Variants in VGLL3 observed in about 807,000 individuals in gnomAD.
VGLL3 encodes vestigial like family member 3, also known as transcription cofactor vestigial-like protein 3.
VGLL3 carries 18 observed loss-of-function variants against 29.2 expected under a neutral mutation model. The observed-to-expected ratio is 0.62, with a 90% CI of 0.43 to 0.91. The LOEUF (loss-of-function observed/expected upper bound fraction) is 0.91. Ranked by LOEUF, VGLL3 falls within the 40% of genes least tolerant of loss-of-function variation. VGLL3 has a pLI of 0.00. For synonymous variants in VGLL3, 180 were observed against 151.8 expected, an observed-to-expected ratio of 1.19 and a Z score of -1.36; for missense variants, 440 against 413.2, an observed-to-expected ratio of 1.06 and a Z score of -0.56.
intron 3 of VGLL3, among the ~76,000 whole-genome samples, chr3:86,961,333 T>C (rs1158087664): frequency 6.6e-6 from 1 of 152,138 alleles, no homozygotes; most frequent in Non-Finnish European, 1.5e-5. Flanking sequence ...TTAACAAATC[T>C]TCACTTGAAA....
Position 86,968,707 on chromosome 3 carries a change from C to T in VGLL3, c.820G>A (p.Ala274Thr). 6.2e-7 allele frequency: 1 copy of T among 1,614,116 alleles called. No individual in the cohort carries two copies. The highest frequency in any genetic ancestry group is 8.5e-7 in the Non-Finnish European group (1 of 1,180,032). The change falls in exon 3 of 4, where the codon GCT becomes ACT. Residue 274 changes from alanine (A) to threonine (T), a missense_variant. Physicochemically the swap from Ala to Thr is moderately conservative, Grantham distance 58 (BLOSUM62 0). Coordinates refer to ENST00000398399, the MANE Select transcript of VGLL3 (RefSeq NM_016206.4). ...MPSVHAARIP[A>T]PQCDITKTEP... ...GTCTTTGTGATGTCACACTGGGGAG[C>T]AGGAATCCTGGCCGCATGCACTGAA...
Position 86,940,740 on chromosome 3 carries a change from A to G in VGLL3, c.*6284T>C, listed in dbSNP as rs897045884. 6 of 152,054 alleles carry G rather than the reference A, an allele frequency of 3.9e-5. No individual in the cohort carries two copies. The highest frequency in any genetic ancestry group is 1.4e-4 in the African/African-American group (6 of 41,436). 9.4% of individuals were successfully genotyped at this position (152,054 alleles called of 1,614,324 possible). On this transcript the variant is annotated 3_prime_UTR_variant, in exon 4 of 4. Coordinates refer to ENST00000398399, the MANE Select transcript of VGLL3 (RefSeq NM_016206.4). ...CATTGACACATATTATGAGACCTGCATTTGAAGAGTGAATAGAAATAAGAA... is the reference window on the plus strand; with the variant it reads ...CATTGACACATATTATGAGACCTGCGTTTGAAGAGTGAATAGAAATAAGAA...
chr3:86,982,938 A>G (rs1383635078), intron 1 of VGLL3, among the ~76,000 whole-genome samples: 1 of 152,226 alleles, frequency 6.6e-6, no homozygotes, highest in Non-Finnish European at 1.5e-5. Context: ...AGGTTAAAGT[A>G]TCAATGTGGA....
At position 86,978,740 on chromosome 3, in the gene VGLL3, T is replaced by C. The variant is rs1575877335; in HGVS notation, c.189A>G (p.Gln63=). The change falls in exon 2 of 4, where the codon CAA becomes CAG. Residue 63 remains glutamine, a synonymous_variant. Transcript: ENST00000398399. ...DSLEVTLPSK[Q]EEEDEEEEEE... ...CCTCCTCCTCCTCATCCTCCTCCTC[T>C]TGTTTGCTGGGAAGGGTGACTTCCA... 6.2e-7 allele frequency: 1 copy of C among 1,614,028 alleles called. No homozygotes were observed. The highest frequency in any genetic ancestry group is 2.2e-5 in the East Asian group (1 of 44,870).
chr3:86,958,584 T>A (rs2106985476), intron 3 of VGLL3, among the ~76,000 whole-genome samples: 1 of 152,326 alleles, frequency 6.6e-6, no homozygotes, highest in South Asian at 2.1e-4. Flanking sequence ...CAGAAGCCCA[T>A]GGGCATGATA....
In VGLL3 at chr3:86,941,722, A is replaced by T. The variant is rs532711974; in HGVS notation, c.*5302T>A. The stretch of plus-strand genomic sequence containing the variant: ...GAAATAGAAAAGTTGAGATACTTTA[A>T]CAATAATGACGATTTCTGTAGGTTG... On this transcript the variant is annotated 3_prime_UTR_variant, in exon 4 of 4. Coordinates refer to ENST00000398399, the MANE Select transcript of VGLL3 (RefSeq NM_016206.4). The T allele has an allele frequency of 4.6e-5, 7 of 152,254 alleles. No individual in the cohort carries two copies. Among genetic ancestry groups the T allele is most frequent in the Non-Finnish European group, 1.0e-4 (7 of 68,002 alleles). 9.4% of individuals were successfully genotyped at this position (152,254 alleles called of 1,614,324 possible).
In VGLL3 at chr3:86,991,107, G is replaced by T. The variant is rs534132813; in HGVS notation, c.-364C>A. 7.8e-5 allele frequency: 18 copies of T among 229,440 alleles called. No individual in the cohort carries two copies. Among genetic ancestry groups the T allele is most frequent in the African/African-American group, 4.0e-4 (17 of 43,028 alleles). 14.2% of individuals were successfully genotyped at this position (229,440 alleles called of 1,614,324 possible). On this transcript the variant is annotated 5_prime_UTR_variant, in exon 1 of 4. Transcript: ENST00000398399. ...CCAGTCACAGCCACAGCCCAGGCCC[G>T]GGTCGGGCAGCCGTGGGGAGCCCAG...
intron 1 of VGLL3, among the ~76,000 whole-genome samples, chr3:86,984,538 T>TC (rs1220939736): frequency 9.9e-5 from 15 of 152,204 alleles, no homozygotes; most frequent in African/African-American, 3.6e-4. Flanking sequence ...AATGATCATA[T>TC]CATGAGGGTA....
intron 2 of VGLL3, among the ~76,000 whole-genome samples, chr3:86,976,823 G>T (rs1457768223): frequency 1.3e-5 from 2 of 152,154 alleles, no homozygotes; most frequent in African/African-American, 4.8e-5. Flanking sequence ...ATGCCCATGT[G>T]CTAAAAGAAG....
At position 86,978,862 on chromosome 3, in the gene VGLL3, T is replaced by G. The variant is rs1459037062; in HGVS notation, c.127-60A>C. On this transcript the variant is annotated intron_variant, in intron 1 of 3. Transcript: ENST00000398399. The stretch of plus-strand genomic sequence containing the variant: ...CAGTTTGTAGAAAAGCATTCACTAG[T>G]TAAGTTTTCACTTTTTTAAAAAAAG... The G allele has an allele frequency of 6.7e-6, 10 of 1,483,682 alleles. No homozygotes were observed. The East Asian group carries it at 2.3e-4, about 35-fold the overall frequency. 91.9% of individuals were successfully genotyped at this position (1,483,682 alleles called of 1,614,324 possible).
chr3:86,959,082 TG>T (rs969571633), intron 3 of VGLL3, among the ~76,000 whole-genome samples: 5 of 152,182 alleles, frequency 3.3e-5, no homozygotes, highest in Non-Finnish European at 7.4e-5. Context: ...AAAAACAATC[TG>T]CACCTATTGC....
Position 86,987,607 on chromosome 3 carries a change from T to C in VGLL3, c.126+3011A>G, listed in dbSNP as rs945381442. On this transcript the variant is annotated intron_variant, in intron 1 of 3. Transcript: ENST00000398399. Reference sequence around the variant, plus strand: ...CTGACATATTAAAGCCAGAAAGAGATGGTGGGCATGCGAAACAGGTCACCC... The same window carrying C: ...CTGACATATTAAAGCCAGAAAGAGACGGTGGGCATGCGAAACAGGTCACCC... 2.0e-5 allele frequency among the ~76,000 whole-genome samples: 3 copies of C among 152,180 alleles called. No individual in the cohort carries two copies. The East Asian group carries it at 5.8e-4, about 29-fold the overall frequency.
At chr3:86,965,013 C>T (rs1333754504) in intron 3 of VGLL3, among the ~76,000 whole-genome samples, 1 of 151,814 alleles carries the variant, frequency 6.6e-6, no homozygotes, top group Admixed American at 6.6e-5. Flanking sequence ...CAAAATTAGC[C>T]GGGCATAGTG....
intron 3 of VGLL3, among the ~76,000 whole-genome samples, chr3:86,950,891 A>G (rs934510092): frequency 5.3e-5 from 8 of 152,332 alleles, no homozygotes; most frequent in Middle Eastern, 6.8e-3. Context: ...GTCAGAAATG[A>G]ACGAAGAAAC....
chr3:86,982,770 G>T (rs1039007137), intron 1 of VGLL3, among the ~76,000 whole-genome samples: 4 of 152,142 alleles, frequency 2.6e-5, no homozygotes, highest in African/African-American at 9.7e-5. Context: ...CATCTAAAGG[G>T]ATTTTAAAGA....
intron 1 of VGLL3, among the ~76,000 whole-genome samples, chr3:86,979,116 T>C (rs1705272121): frequency 6.6e-6 from 1 of 152,226 alleles, no homozygotes; most frequent in African/African-American, 2.4e-5. Context: ...TTTTTTCATC[T>C]AGCTAGGCCA....
At chr3:86,971,250 G>T (rs1353354664) in intron 2 of VGLL3, among the ~76,000 whole-genome samples, 4 of 152,146 alleles carry the variant, frequency 2.6e-5, no homozygotes, top group Non-Finnish European at 4.4e-5. Flanking sequence ...ATATCATTTG[G>T]TTAACATAAT....
chr3:86,960,939 A>G (rs1296473024), intron 3 of VGLL3, among the ~76,000 whole-genome samples: 1 of 16,314 alleles, frequency 6.1e-5, no homozygotes, highest in African/African-American at 1.1e-4. Flanking sequence ...TGTGATATAT[A>G]TATATATATA....
intron 2 of VGLL3, among the ~76,000 whole-genome samples, chr3:86,975,872 G>A (rs948731751): frequency 6.6e-6 from 1 of 152,122 alleles, no homozygotes; most frequent in African/African-American, 2.4e-5. Flanking sequence ...AGCACTTTGG[G>A]AGGCCGAGGC....
Sources: allele counts gnomAD v4.1 joint callset (sites outside exome capture counted in the v4.1 genomes callset), GRCh38; gene constraint gnomAD v4.1.1; transcripts MANE v1.5; gene names NCBI Gene and HGNC (gene_info 2026-07-23, HGNC 2026-07-21).